The following PCYOX1 variants were observed in gnomAD, a reference collection of about 807,000 sequenced individuals.
PCYOX1 encodes the protein prenylcysteine oxidase 1, also known as prenylcysteine lyase.
Under a neutral mutation model 46.4 loss-of-function variants are expected in PCYOX1, and 46 were observed. The ratio of observed to expected loss-of-function variants is 0.99; its 90% CI spans 0.78 to 1.27. The LOEUF is 1.27. PCYOX1 is among the 50% of genes most tolerant of loss of function. PCYOX1 has a pLI of 0.00. For missense variants in PCYOX1, 658 were observed against 628.3 expected (o/e 1.05, Z -0.51); for synonymous variants, 220 against 231.8 (o/e 0.95, Z 0.46).
chr2:70,272,885 A>C lies in PCYOX1; in HGVS notation c.495-2074A>C, dbSNP rs183637121. Among the ~76,000 whole-genome samples, 74 of 151,624 alleles carry C rather than the reference A, an allele frequency of 4.9e-4. No individual in the cohort carries two copies. The East Asian group carries it at 0.013, about 26-fold the overall frequency. ...GATAATTTTTGTATTTTTAGTAGAG[A>C]TGGGGTTTCACCATGTTGGCCAGGC... On this transcript the variant is annotated intron_variant, in intron 3 of 5. Transcript: ENST00000433351.
intron 3 of PCYOX1, among the ~76,000 whole-genome samples, chr2:70,272,812 C>T (rs1054879066): frequency 6.6e-6 from 1 of 152,066 alleles, no homozygotes; most frequent in Non-Finnish European, 1.5e-5. Flanking sequence ...ATTCTCATGC[C>T]TCAGCCACCT....
intron 3 of PCYOX1, among the ~76,000 whole-genome samples, chr2:70,267,258 TC>T (rs1283345693): frequency 6.6e-6 from 1 of 151,288 alleles, no homozygotes; most frequent in African/African-American, 2.4e-5. Context: ...GCTCCTCACT[TC>T]CTAGACGGGA....
intron 1 of PCYOX1, among the ~76,000 whole-genome samples, chr2:70,258,787 C>T (rs903438663): frequency 2.6e-5 from 4 of 152,234 alleles, no homozygotes; most frequent in East Asian, 1.9e-4. Flanking sequence ...TCGGCCTGCT[C>T]TCAGAGGCCC....
Position 70,277,622 on chromosome 2 carries a change from A to G in PCYOX1, c.*230A>G, listed in dbSNP as rs1226735384. 1.4e-5 allele frequency: 6 copies of G among 428,050 alleles called. No individual in the cohort carries two copies. In the South Asian group the frequency reaches 1.8e-4, roughly 13 times the overall value. 26.5% of individuals were successfully genotyped at this position (428,050 alleles called of 1,614,324 possible). A position where few individuals can be genotyped will look rare whatever the true frequency, so the allele number is the denominator to read the frequency against. On this transcript the variant is annotated 3_prime_UTR_variant, in exon 6 of 6. Coordinates refer to ENST00000433351, the MANE Select transcript of PCYOX1 (RefSeq NM_016297.4). Reference sequence around the variant, plus strand: ...CTTAAGTATTCTTTCACTATCCATTAGGAGTTTTTCTTAAACTTGTCTGAT... The same window carrying G: ...CTTAAGTATTCTTTCACTATCCATTGGGAGTTTTTCTTAAACTTGTCTGAT...
At chr2:70,262,570 C>A (rs555850931) in intron 3 of PCYOX1, among the ~76,000 whole-genome samples, 1 of 150,562 alleles carries the variant, frequency 6.6e-6, no homozygotes, top group African/African-American at 2.5e-5. Context: ...ACCTCTGCCT[C>A]CCTGGTTCAA....
intron 3 of PCYOX1, among the ~76,000 whole-genome samples, chr2:70,274,552 TTTTC>T (rs1341775046): frequency 2.0e-5 from 3 of 150,118 alleles, no homozygotes; most frequent in Admixed American, 6.7e-5. Flanking sequence ...CCTTAGTTTC[TTTTC>T]TTTTTTTTTT....
rs1309944450 is a variant in PCYOX1, at chr2:70,278,218, C to T, written c.*826C>T. ...GCATTCTAGTATTAAATCCTCACTTCAGGAGCTTTTAAAAATACTGAGACC... is the reference window on the plus strand; with the variant it reads ...GCATTCTAGTATTAAATCCTCACTTTAGGAGCTTTTAAAAATACTGAGACC... On this transcript the variant is annotated 3_prime_UTR_variant, in exon 6 of 6. Transcript: ENST00000433351. 1.3e-5 allele frequency: 2 copies of T among 152,614 alleles called. No homozygotes were observed. Among genetic ancestry groups the T allele is most frequent in the Non-Finnish European group, 2.9e-5 (2 of 68,044 alleles). 9.5% of individuals were successfully genotyped at this position (152,614 alleles called of 1,614,324 possible). A position where few individuals can be genotyped will look rare whatever the true frequency, so the allele number is the denominator to read the frequency against.
At position 70,275,419 on chromosome 2, in the gene PCYOX1, C is replaced by T. The variant is rs1046864212; in HGVS notation, c.707-95C>T. 15 of 1,292,050 alleles carry T rather than the reference C, an allele frequency of 1.2e-5. No individual in the cohort carries two copies. In the African/African-American group the frequency reaches 2.1e-4, roughly 18 times the overall value. The allele number at this position is 1,292,050 out of a possible 1,614,324, so 80.0% of individuals were successfully genotyped here. A position where few individuals can be genotyped will look rare whatever the true frequency, so the allele number is the denominator to read the frequency against. ...GGGGCCATTTAGCAATGTCTAGAGA[C>T]ATTTGGAGTAGAACATGTAATTGGG... On this transcript the variant is annotated intron_variant, in intron 4 of 5. Coordinates refer to ENST00000433351, the MANE Select transcript of PCYOX1 (RefSeq NM_016297.4).
At position 70,278,263 on chromosome 2, in the gene PCYOX1, A is replaced by C. The variant is rs2104902588; in HGVS notation, c.*871A>C. The C allele has an allele frequency of 6.5e-6, 1 of 152,776 alleles. No individual in the cohort carries two copies. Among genetic ancestry groups the C allele is most frequent in the Admixed American group, 6.5e-5 (1 of 15,304 alleles). 9.5% of individuals were successfully genotyped at this position (152,776 alleles called of 1,614,324 possible). A position where few individuals can be genotyped will look rare whatever the true frequency, so the allele number is the denominator to read the frequency against. ...GAGACCCCCCCATAACCAGAGATTCAGATTCAAAGACTGAGGATAGGACCT... is the reference window on the plus strand; with the variant it reads ...GAGACCCCCCCATAACCAGAGATTCCGATTCAAAGACTGAGGATAGGACCT... On this transcript the variant is annotated 3_prime_UTR_variant, in exon 6 of 6. Coordinates refer to ENST00000433351, the MANE Select transcript of PCYOX1 (RefSeq NM_016297.4).
At chr2:70,264,998 CAGT>C (rs1696491951) in intron 3 of PCYOX1, among the ~76,000 whole-genome samples, 1 of 152,028 alleles carries the variant, frequency 6.6e-6, no homozygotes, top group African/African-American at 2.4e-5. Context: ...ACCTATGTAA[CAGT>C]AGTAAACCAT....
Position 70,261,283 on chromosome 2 carries a change from A to G in PCYOX1, c.391A>G (p.Ser131Gly), listed in dbSNP as rs752899398. 1.2e-6 allele frequency: 2 copies of G among 1,610,174 alleles called. No individual in the cohort carries two copies. The highest frequency in any genetic ancestry group is 1.7e-6 in the Non-Finnish European group (2 of 1,176,356). ...TGGAGAGACTCTGGTATTTGAGGAG[A>G]GCAACTGGTTCATAATTAACGTGAT... Reference protein sequence around the residue: ...YNGETLVFEESNWFIINVIKL... With the variant: ...YNGETLVFEEGNWFIINVIKL... The change falls in exon 3 of 6, where the codon AGC becomes GGC. Residue 131 changes from serine to glycine, a missense_variant. By Grantham distance (56) the Ser-to-Gly change is moderately conservative. Coordinates refer to ENST00000433351, the MANE Select transcript of PCYOX1 (RefSeq NM_016297.4).
intron 3 of PCYOX1, among the ~76,000 whole-genome samples, chr2:70,273,519 G>A (rs917939172): frequency 6.6e-6 from 1 of 152,198 alleles, no homozygotes; most frequent in African/African-American, 2.4e-5. Context: ...AAAACTTGAT[G>A]TGAAAGTTTC....
At chr2:70,270,725 C>T (rs1275587731) in intron 3 of PCYOX1, among the ~76,000 whole-genome samples, 1 of 152,182 alleles carries the variant, frequency 6.6e-6, no homozygotes, top group East Asian at 1.9e-4. Context: ...AGAATTCAAC[C>T]CTCCTAACCC....
chr2:70,276,785 G>A lies in PCYOX1; in HGVS notation c.911G>A (p.Arg304His), dbSNP rs150932770. Residue 304 changes from arginine to histidine, a missense_variant, in exon 6 of 6, where the codon CGT becomes CAT. Physicochemically the swap from Arg to His is conservative, Grantham distance 29. Coordinates refer to ENST00000433351, the MANE Select transcript of PCYOX1 (RefSeq NM_016297.4). ...EVVYQIGTET[R>H]SDFYDIVLVA... ...GTCTACCAAATTGGAACTGAGACTC[G>A]TTCAGACTTCTATGACATCGTCTTG... is the stretch of plus-strand genomic sequence containing the variant. 35 of 1,611,396 alleles carry A rather than the reference G, an allele frequency of 2.2e-5. No homozygotes were observed. The African/African-American group carries it at 3.6e-4, about 17-fold the overall frequency.
rs182870711 is a variant in PCYOX1, at chr2:70,259,223, G to C, written c.113-137G>C. 2.2e-3 allele frequency: 1,571 copies of C among 725,996 alleles called. 7 individuals carry two copies. The highest frequency in any genetic ancestry group is 3.0e-3 in the Non-Finnish European group (1,228 of 414,276). 45.0% of individuals were successfully genotyped at this position (725,996 alleles called of 1,614,324 possible). A position where few individuals can be genotyped will look rare whatever the true frequency, so the allele number is the denominator to read the frequency against. On this transcript the variant is annotated intron_variant, in intron 1 of 5. Transcript: ENST00000433351. Reference sequence around the variant, plus strand: ...TCAGGGAGTTAGACCTTCGCTGCAGGTGTCACTCTTCCCCCACCAAATTGT... The same window carrying C: ...TCAGGGAGTTAGACCTTCGCTGCAGCTGTCACTCTTCCCCCACCAAATTGT...
intron 3 of PCYOX1, among the ~76,000 whole-genome samples, chr2:70,267,364 A>C (rs1439279380): frequency 1.4e-5 from 2 of 146,274 alleles, no homozygotes; most frequent in Non-Finnish European, 3.0e-5. Flanking sequence ...AGGCAAAGAC[A>C]CTCCTCACTT....
chr2:70,270,851 C>T (rs1696591912), intron 3 of PCYOX1, among the ~76,000 whole-genome samples: 1 of 152,018 alleles, frequency 6.6e-6, no homozygotes, highest in Non-Finnish European at 1.5e-5. Flanking sequence ...CTCTCCTCGG[C>T]TCACCTTGGC....
chr2:70,263,246 A>C (rs1257090875), intron 3 of PCYOX1, among the ~76,000 whole-genome samples: 1 of 148,194 alleles, frequency 6.7e-6, no homozygotes, highest in Non-Finnish European at 1.5e-5. Context: ...AAAAAAAAAG[A>C]AAGCTAAGCA....
At chr2:70,264,031 T>A (rs1049201270) in intron 3 of PCYOX1, among the ~76,000 whole-genome samples, 3 of 144,818 alleles carry the variant, frequency 2.1e-5, no homozygotes, top group African/African-American at 7.7e-5. Context: ...GGTGTGATCA[T>A]GGCTCACTGC....
Sources: gnomAD v4.1 joint callset for allele counts (sites outside exome capture counted in the v4.1 genomes callset) on GRCh38, gnomAD v4.1.1 for gene constraint, MANE v1.5 for transcripts, NCBI Gene and HGNC (gene_info 2026-07-23, HGNC 2026-07-21) for gene names.